Variants in RASA3 observed in about 807,000 individuals in gnomAD.
RASA3 encodes ras GTPase-activating protein 3.
In RASA3, 73 loss-of-function variants were observed where a neutral mutation model predicts 110.0. The ratio of observed to expected loss-of-function variants is 0.66; its 90% CI spans 0.55 to 0.81. RASA3 has a LOEUF of 0.81. Ranked by LOEUF, RASA3 falls within the 30% of genes least tolerant of loss-of-function variation. The probability of loss-of-function intolerance (pLI) is 0.00; values close to 1 mark genes in which losing one functional copy is unlikely to be tolerated. For synonymous variants in RASA3, 500 were observed against 451.4 expected (o/e 1.11, Z -1.37); for missense variants, 976 against 1,113.2 (o/e 0.88, Z 1.75).
intron 1 of RASA3, among the ~76,000 whole-genome samples, chr13:114,087,905 G>A (rs915583371): frequency 6.6e-6 from 1 of 152,222 alleles, no homozygotes; most frequent in African/African-American, 2.4e-5. Flanking sequence ...TGAGGCTGAC[G>A]GATGGCTCGA....
intron 18 of RASA3, among the ~76,000 whole-genome samples, chr13:114,004,288 C>A (rs2053465510): frequency 6.6e-6 from 1 of 151,864 alleles, no homozygotes. Flanking sequence ...AGACGACCTG[C>A]AGAATGGGAG....
intron 8 of RASA3, among the ~76,000 whole-genome samples, chr13:114,023,238 A>C (rs537841962): frequency 8.7e-6 from 1 of 115,012 alleles, no homozygotes; most frequent in South Asian, 2.3e-4. Context: ...GGGACATCCC[A>C]GGCTCGGGGA....
chr13:114,040,815 A>G (rs2054387776), intron 4 of RASA3, among the ~76,000 whole-genome samples, 185 bp downstream of exon 4: 1 of 150,736 alleles, frequency 6.6e-6, no homozygotes, highest in Non-Finnish European at 1.5e-5. Flanking sequence ...CGCACAACCC[A>G]AAATCCATGG....
intron 18 of RASA3, among the ~76,000 whole-genome samples, chr13:114,004,055 T>C (rs2053461001): frequency 1.3e-5 from 2 of 152,264 alleles, no homozygotes; most frequent in Admixed American, 6.5e-5. Context: ...GAAATGTGTG[T>C]ATTGCAAATG....
At chr13:114,024,234 G>A in intron 8 of RASA3, 45 bp downstream of exon 8, 1 of 1,536,536 alleles carries the variant, frequency 6.5e-7, no homozygotes, top group Non-Finnish European at 9.0e-7. Flanking sequence ...TGAGGAGTTT[G>A]GGTGAAAACT....
intron 1 of RASA3, among the ~76,000 whole-genome samples, chr13:114,074,725 C>T (rs1229111365): frequency 6.6e-6 from 1 of 152,222 alleles, no homozygotes; most frequent in Non-Finnish European, 1.5e-5. Context: ...CCTGGACGTG[C>T]TTGAAGGAAG....
At chr13:114,002,782 G>C (rs1427714528) in intron 18 of RASA3, among the ~76,000 whole-genome samples, 1 of 152,176 alleles carries the variant, frequency 6.6e-6, no homozygotes, top group Non-Finnish European at 1.5e-5. Context: ...TCCAGGAGTC[G>C]GTTTTCTAAC....
intron 23 of RASA3, among the ~76,000 whole-genome samples, chr13:113,980,228 C>CTG (rs1555322621): frequency 0.36 from 51,971 of 143,028 alleles, 9,625 homozygotes; most frequent in African/African-American, 0.44. Flanking sequence ...GCACCTCCTG[C>CTG]TGTGTGCGCC....
At chr13:114,051,443 C>T (rs1459595094) in intron 3 of RASA3, among the ~76,000 whole-genome samples, 2 of 152,220 alleles carry the variant, frequency 1.3e-5, no homozygotes, top group Admixed American at 1.3e-4. Context: ...AGGAGCTCCC[C>T]GAGTAACCTG....
chr13:114,017,299 C>T lies in RASA3; in HGVS notation c.1144G>A (p.Glu382Lys), dbSNP rs763762977. Residue 382 changes from glutamate (E) to lysine (K), a missense_variant, in exon 12 of 24, where the codon GAG becomes AAG. Physicochemically the swap from Glu to Lys is moderately conservative, Grantham distance 56 (BLOSUM62 1). This residue lies in a region of RASA3 where 732 missense variants were observed against 779.7 expected (regional missense o/e 0.94). Coordinates refer to ENST00000334062, the MANE Select transcript of RASA3 (RefSeq NM_007368.4). ...GNSLASKCID[E>K]TMKLAGMHYL... ...TGCATCCCCGCCAGCTTCATGGTCT[C>T]GTCGATGCACTTGGACGCCAGTGAG... The T allele has an allele frequency of 1.9e-6, 3 of 1,613,880 alleles. No individual in the cohort carries two copies. Among genetic ancestry groups the T allele is most frequent in the African/African-American group, 1.3e-5 (1 of 74,934 alleles).
chr13:114,018,959 C>T (rs12875472), intron 9 of RASA3, 40 bp from the exon 10 acceptor site: 249,462 of 1,609,960 alleles, frequency 0.15, 20,244 homozygotes, highest in South Asian at 0.21. Context: ...CATGAGGCTG[C>T]ATCTGCCAAG....
intron 4 of RASA3, among the ~76,000 whole-genome samples, chr13:114,034,858 C>A (rs1000516633): frequency 2.0e-5 from 3 of 152,130 alleles, no homozygotes; most frequent in Admixed American, 2.0e-4. Context: ...TCTGGAGTGC[C>A]GGCCACACAG....
chr13:113,984,374 TCATC>T (rs2053002950), intron 22 of RASA3, among the ~76,000 whole-genome samples: 1 of 44,650 alleles, frequency 2.2e-5, no homozygotes, highest in Admixed American at 2.5e-4. Context: ...GTCCACCCAT[TCATC>T]ACTCACCCAT....
At chr13:114,108,344 GTCATCCCGTGTCCA>G (rs2080167526) in intron 1 of RASA3, among the ~76,000 whole-genome samples, 1 of 106,098 alleles carries the variant, frequency 9.4e-6, no homozygotes. Context: ...CCCCACATCC[GTCATCCCGTGTCCA>G]TCACCCCGCG....
chr13:114,043,455 C>G (rs2139485838), intron 3 of RASA3, among the ~76,000 whole-genome samples: 1 of 152,258 alleles, frequency 6.6e-6, no homozygotes, highest in East Asian at 1.9e-4. Context: ...CCCTTCCCAG[C>G]TCCGGGACCC....
Position 114,056,488 on chromosome 13 carries a change from G to A in RASA3, c.174-4333C>T, listed in dbSNP as rs2079248224. 3 of 985,376 alleles carry A rather than the reference G, an allele frequency of 3.0e-6. No homozygotes were observed. The highest frequency in any genetic ancestry group is 1.1e-4 in the East Asian group (1 of 8,780). The allele number at this position is 985,376 out of a possible 1,614,324, so 61.0% of individuals were successfully genotyped here. ...CTTGGGCAGCAGGGCTGAGAGTGCGGCGTCCCTGGGCGCTGCCCGGTAGCG... is the reference window on the plus strand; with the variant it reads ...CTTGGGCAGCAGGGCTGAGAGTGCGACGTCCCTGGGCGCTGCCCGGTAGCG... On this transcript the variant is annotated intron_variant, in intron 2 of 23. Transcript: ENST00000334062. The surrounding 1 kb of genome is among the most constrained non-coding windows in gnomAD (Gnocchi z 5.7).
At chr13:114,044,921 G>C (rs1410016959) in intron 3 of RASA3, among the ~76,000 whole-genome samples, 2 of 152,114 alleles carry the variant, frequency 1.3e-5, no homozygotes, top group Non-Finnish European at 2.9e-5. Flanking sequence ...ACTGGCACAT[G>C]ATTACAAGTC....
intron 22 of RASA3, among the ~76,000 whole-genome samples, chr13:113,990,630 C>G (rs1283087653): frequency 6.6e-6 from 1 of 152,200 alleles, no homozygotes; most frequent in African/African-American, 2.4e-5. Context: ...GACCTCAGAC[C>G]CAGGGACAGC....
intron 1 of RASA3, among the ~76,000 whole-genome samples, chr13:114,087,599 C>A (rs1333779640): frequency 6.6e-6 from 1 of 152,242 alleles, no homozygotes; most frequent in Non-Finnish European, 1.5e-5. Context: ...GGAGGGAGGG[C>A]CCCGGGCAGT....
Sources: gnomAD v4.1 joint callset for allele counts (sites outside exome capture counted in the v4.1 genomes callset) on GRCh38, gnomAD v4.1.1 for gene constraint, gnomAD v4.1.1 regional missense constraint, Gnocchi (gnomAD v3.1) non-coding constraint, MANE v1.5 for transcripts, NCBI Gene and HGNC (gene_info 2026-07-23, HGNC 2026-07-21) for gene names.